SOX5: variants seen among roughly 807,000 people sequenced by gnomAD.
The protein encoded by SOX5 is SRY-box transcription factor 5, also known as transcription factor SOX-5.
Under a neutral mutation model 92.0 loss-of-function variants are expected in SOX5, and 9 were observed. The observed-to-expected ratio is 0.10, with a 90% CI of 0.06 to 0.17. The LOEUF (loss-of-function observed/expected upper bound fraction) is 0.17, where lower values mean the gene tolerates loss of function less well. Among genes scored for constraint, SOX5 ranks in the 10% least tolerant of loss-of-function variants. The probability of loss-of-function intolerance (pLI) is 1.00; values close to 1 mark genes in which losing one functional copy is unlikely to be tolerated. For synonymous variants in SOX5, 344 were observed against 336.3 expected (o/e 1.02, Z -0.25); for missense variants, 642 against 944.5 (o/e 0.68, Z 4.20).
At chr12:23,584,928 G>C (rs1249119449) in intron 9 of SOX5, among the ~76,000 whole-genome samples, 1 of 151,828 alleles carries the variant, frequency 6.6e-6, no homozygotes, top group East Asian at 1.9e-4. Flanking sequence ...AACAGTTTAA[G>C]ACAATTTTCA....
chr12:24,381,031 G>T (rs904220486), intron 1 of SOX5, among the ~76,000 whole-genome samples: 1 of 152,144 alleles, frequency 6.6e-6, no homozygotes, highest in Admixed American at 6.5e-5. Flanking sequence ...TACTTGAGGG[G>T]CACTCCTGAA....
chr12:24,525,716 C>CA (rs966232861), intron 1 of SOX5, among the ~76,000 whole-genome samples: 1 of 151,758 alleles, frequency 6.6e-6, no homozygotes, highest in Non-Finnish European at 1.5e-5. Flanking sequence ...CTAAAAATAC[C>CA]AAAAAAATAG....
chr12:24,246,720 CACAAAG>C (rs1938826777), intron 3 of SOX5, among the ~76,000 whole-genome samples: 1 of 152,084 alleles, frequency 6.6e-6, no homozygotes, highest in Non-Finnish European at 1.5e-5. Context: ...GCCATGTTTA[CACAAAG>C]ACAAAGTATT....
intron 4 of SOX5, among the ~76,000 whole-genome samples, chr12:23,961,759 C>T (rs191169603): frequency 4.3e-4 from 66 of 152,170 alleles, no homozygotes; most frequent in African/African-American, 1.5e-3. Flanking sequence ...AGTACCACTG[C>T]ACTCTTTACC....
At chr12:23,721,331 A>C (rs10842218) in intron 6 of SOX5, among the ~76,000 whole-genome samples, 107,836 of 151,832 alleles carry the variant, frequency 0.71, 38,566 homozygotes, top group Non-Finnish European at 0.76. Context: ...GTGATCCACC[A>C]GCCTCAGCCT....
chr12:23,555,662 T>C (rs1945029867), intron 11 of SOX5, among the ~76,000 whole-genome samples: 1 of 152,188 alleles, frequency 6.6e-6, no homozygotes. Context: ...ATAAGGCATG[T>C]GGCCATTAAA....
rs199934181 is a variant in SOX5 at position 23,949,574 on chromosome 12, C to A, written c.28G>T (p.Glu10Ter). 6.2e-7 allele frequency: 1 copy of A among 1,613,760 alleles called. No individual in the cohort carries two copies. Among genetic ancestry groups the A allele is most frequent in the African/African-American group, 1.3e-5 (1 of 74,994 alleles). MLTDPDLPQEFERMSSKRPA... is the reference protein window; with the variant it reads MLTDPDLPQ ...AAAAACTGTACTCACCTTTCAAACT[C>A]CTGAGGTAAATCAGGGTCAGTAAGC... The change falls in exon 1 of 15, where the codon GAG (glutamate) becomes TAG (stop). Residue 10 changes from glutamate (E) to a stop codon, truncating the protein, a stop_gained. Transcript: ENST00000451604. LOFTEE classifies it high-confidence loss of function.
chr12:24,333,568 T>C (rs1201302510), intron 2 of SOX5, among the ~76,000 whole-genome samples: 1 of 152,010 alleles, frequency 6.6e-6, no homozygotes, highest in African/African-American at 2.4e-5. Context: ...CATTTTAAAA[T>C]ACTCCAAAAT....
chr12:23,713,912 C>T lies in SOX5; in HGVS notation c.810+20772G>A, dbSNP rs138615343. Among the ~76,000 whole-genome samples, 931 of 151,010 alleles carry T rather than the reference C, an allele frequency of 6.2e-3. 9 individuals carry two copies. The highest frequency in any genetic ancestry group is 0.021 in the African/African-American group (876 of 41,248). The stretch of plus-strand genomic sequence containing the variant: ...TTCAAGACCAGCCTGGCCAACATGG[C>T]GAAACCCCTTCTTTACTAAAAATTC... On this transcript the variant is annotated intron_variant, in intron 6 of 14. Transcript: ENST00000451604.
At chr12:23,987,477 G>T (rs1950162093) in intron 4 of SOX5, among the ~76,000 whole-genome samples, 1 of 152,166 alleles carries the variant, frequency 6.6e-6, no homozygotes, top group Admixed American at 6.5e-5. Flanking sequence ...GTACAAAGTG[G>T]TCTTAGAGAG....
intron 2 of SOX5, among the ~76,000 whole-genome samples, chr12:23,885,645 A>G (rs1285533401): frequency 6.6e-6 from 1 of 152,164 alleles, no homozygotes; most frequent in African/African-American, 2.4e-5. Flanking sequence ...TGCTCTCCTT[A>G]TATCACACCT....
chr12:23,767,426 A>G (rs1308315988), intron 3 of SOX5, among the ~76,000 whole-genome samples: 1 of 152,194 alleles, frequency 6.6e-6, no homozygotes, highest in African/African-American at 2.4e-5. Context: ...ATCACGTTAC[A>G]AGCAATTTAA....
At chr12:23,785,943 T>C (rs952403593) in intron 3 of SOX5, among the ~76,000 whole-genome samples, 1 of 152,086 alleles carries the variant, frequency 6.6e-6, no homozygotes, top group African/African-American at 2.4e-5. Flanking sequence ...GGCATTTTCT[T>C]TCCTTGTTTG....
intron 1 of SOX5, among the ~76,000 whole-genome samples, chr12:24,491,806 G>A (rs1233312489): frequency 6.6e-6 from 1 of 152,090 alleles, no homozygotes; most frequent in African/African-American, 2.4e-5. Flanking sequence ...CATGGCAAAG[G>A]AAAACACTTT....
At chr12:24,493,853 G>C (rs1260290196) in intron 1 of SOX5, among the ~76,000 whole-genome samples, 1 of 141,464 alleles carries the variant, frequency 7.1e-6, no homozygotes, top group Non-Finnish European at 1.5e-5. Context: ...GACAGAGCAA[G>C]ACTCCATCTC....
intron 1 of SOX5, among the ~76,000 whole-genome samples, chr12:24,526,426 C>A (rs950875949): frequency 6.6e-6 from 1 of 152,132 alleles, no homozygotes; most frequent in African/African-American, 2.4e-5. Flanking sequence ...TCAGCCTTTA[C>A]TAGGGACTCG....
At chr12:24,380,253 G>A (rs1957692979) in intron 1 of SOX5, among the ~76,000 whole-genome samples, 1 of 152,200 alleles carries the variant, frequency 6.6e-6, no homozygotes, top group Non-Finnish European at 1.5e-5. Flanking sequence ...TTGCTCTTCT[G>A]CCAAGCTCAT....
At chr12:24,220,551 C>T (rs1027177485) in intron 3 of SOX5, among the ~76,000 whole-genome samples, 1 of 152,102 alleles carries the variant, frequency 6.6e-6, no homozygotes, top group African/African-American at 2.4e-5. Flanking sequence ...AGTGACAAAA[C>T]ATACATAGGT....
intron 1 of SOX5, among the ~76,000 whole-genome samples, chr12:23,903,601 T>C (rs950079444): frequency 6.6e-6 from 1 of 152,142 alleles, no homozygotes; most frequent in African/African-American, 2.4e-5. Flanking sequence ...CTCTTTTAAT[T>C]AAAAATATTT....
Sources: gnomAD v4.1 joint callset for allele counts (sites outside exome capture counted in the v4.1 genomes callset) on GRCh38, gnomAD v4.1.1 for gene constraint, MANE v1.5 for transcripts, NCBI Gene and HGNC (gene_info 2026-07-23, HGNC 2026-07-21) for gene names.